Variants in SETBP1 observed in about 807,000 individuals in gnomAD.
SETBP1 encodes SET-binding protein.
Under a neutral mutation model 101.0 loss-of-function variants are expected in SETBP1, and 9 were observed. The observed-to-expected ratio is 0.09, with a 90% CI of 0.05 to 0.16. The LOEUF is 0.16. Among genes scored for constraint, SETBP1 ranks in the 10% least tolerant of loss-of-function variants. SETBP1 has a pLI of 1.00. For synonymous variants in SETBP1, 818 were observed against 788.5 expected, an observed-to-expected ratio of 1.04 and a Z score of -0.63; for missense variants, 1,858 against 2,033.8, an observed-to-expected ratio of 0.91 and a Z score of 1.66.
chr18:44,843,200 T>C (rs1451437296), intron 2 of SETBP1, among the ~76,000 whole-genome samples: 1 of 152,226 alleles, frequency 6.6e-6, no homozygotes, highest in Non-Finnish European at 1.5e-5. Context: ...GAGAGGGGCA[T>C]GGCACCTCTG....
intron 2 of SETBP1, among the ~76,000 whole-genome samples, chr18:44,803,049 G>A (rs1393875755): frequency 6.6e-6 from 1 of 152,072 alleles, no homozygotes; most frequent in African/African-American, 2.4e-5. Flanking sequence ...CGGAGTTAAA[G>A]CAAAGATCAG....
chr18:44,932,626 C>G (rs1193860800), intron 3 of SETBP1, among the ~76,000 whole-genome samples: 1 of 152,138 alleles, frequency 6.6e-6, no homozygotes, highest in African/African-American at 2.4e-5. Context: ...TTCTTGGAGG[C>G]TTTGTTCATT....
intron 2 of SETBP1, among the ~76,000 whole-genome samples, chr18:44,734,029 T>C (rs954643341): frequency 5.9e-5 from 9 of 152,072 alleles, no homozygotes; most frequent in African/African-American, 2.2e-4. Context: ...TGAGTAATGA[T>C]GGGGGCAAAA....
intron 3 of SETBP1, among the ~76,000 whole-genome samples, chr18:44,939,243 C>G (rs528036337): frequency 6.6e-6 from 1 of 152,016 alleles, no homozygotes; most frequent in Non-Finnish European, 1.5e-5. Flanking sequence ...TTCCCAGCCC[C>G]GGTCCCCACC....
At chr18:44,740,924 A>G (rs182464021) in intron 2 of SETBP1, among the ~76,000 whole-genome samples, 177 of 152,352 alleles carry the variant, frequency 1.2e-3, no homozygotes, top group African/African-American at 3.9e-3. Context: ...TTGAATGTAC[A>G]TCTTGATTTC....
chr18:44,986,281 G>T (rs1044692052), intron 4 of SETBP1: 1 of 152,164 alleles, frequency 6.6e-6, no homozygotes, highest in East Asian at 1.9e-4. Flanking sequence ...ACGGTGTCAA[G>T]GATAAATAAT....
intron 2 of SETBP1, among the ~76,000 whole-genome samples, chr18:44,828,701 A>C (rs1032110068): frequency 7.9e-5 from 12 of 152,244 alleles, no homozygotes; most frequent in Admixed American, 7.2e-4. Flanking sequence ...AAATGTAGAC[A>C]ATGAAGCCCT....
At chr18:44,731,124 G>T (rs909751115) in intron 2 of SETBP1, among the ~76,000 whole-genome samples, 1 of 152,092 alleles carries the variant, frequency 6.6e-6, no homozygotes. Flanking sequence ...TCTTGACATG[G>T]CTGACTTGTA....
chr18:44,863,533 G>A (rs1435275365), intron 2 of SETBP1, among the ~76,000 whole-genome samples: 1 of 152,172 alleles, frequency 6.6e-6, no homozygotes, highest in Non-Finnish European at 1.5e-5. Flanking sequence ...TGGTGGGCCT[G>A]AGTTCAACTT....
At chr18:45,040,332 C>T (rs867938879) in intron 5 of SETBP1, among the ~76,000 whole-genome samples, 3 of 151,070 alleles carry the variant, frequency 2.0e-5, no homozygotes, top group East Asian at 2.0e-4. Context: ...ATTAGTAGCA[C>T]CTTGGTGGGA....
chr18:44,723,204 TCTC>T, intron 2 of SETBP1, among the ~76,000 whole-genome samples: 1 of 152,334 alleles, frequency 6.6e-6, no homozygotes, highest in South Asian at 2.1e-4. Flanking sequence ...GCCTTTTCCT[TCTC>T]CTTCTCTTCC....
chr18:44,766,087 C>T (rs2070758649), intron 2 of SETBP1, among the ~76,000 whole-genome samples: 1 of 152,182 alleles, frequency 6.6e-6, no homozygotes, highest in African/African-American at 2.4e-5. Context: ...AAAGGTACTT[C>T]CCATTCTGGG....
intron 2 of SETBP1, among the ~76,000 whole-genome samples, chr18:44,772,086 T>A (rs1177713719): frequency 2.0e-5 from 3 of 152,202 alleles, no homozygotes; most frequent in African/African-American, 7.2e-5. Flanking sequence ...TTATGCTTCC[T>A]CTTTCCCCAT....
At chr18:44,796,043 A>G (rs1404296976) in intron 2 of SETBP1, among the ~76,000 whole-genome samples, 2 of 152,206 alleles carry the variant, frequency 1.3e-5, no homozygotes, top group East Asian at 3.8e-4. Flanking sequence ...TTGTGCTTCT[A>G]ATCTGCTGTG....
intron 1 of SETBP1, among the ~76,000 whole-genome samples, chr18:44,687,717 G>C (rs1266018838): frequency 6.6e-6 from 1 of 152,032 alleles, no homozygotes; most frequent in Admixed American, 6.6e-5. Flanking sequence ...GTTGAGCTTT[G>C]CTGCTGCTTC....
chr18:44,970,752 T>G (rs967256020), intron 4 of SETBP1, among the ~76,000 whole-genome samples: 1 of 152,128 alleles, frequency 6.6e-6, no homozygotes, highest in Non-Finnish European at 1.5e-5. Flanking sequence ...GGTTTCACCA[T>G]GTTGGTCAGG....
At chr18:44,873,593 G>A (rs966860913) in intron 3 of SETBP1, among the ~76,000 whole-genome samples, 1 of 152,112 alleles carries the variant, frequency 6.6e-6, no homozygotes, top group Non-Finnish European at 1.5e-5. Context: ...AGCAGGGGAA[G>A]CATGGAGGAA....
intron 3 of SETBP1, among the ~76,000 whole-genome samples, chr18:44,895,879 C>A (rs998994905): frequency 5.9e-5 from 9 of 151,932 alleles, no homozygotes; most frequent in African/African-American, 1.9e-4. Flanking sequence ...TTATTAACAT[C>A]GAGAGGCAAA....
chr18:44,792,826 TAGGG>T (rs1197400581), intron 2 of SETBP1, among the ~76,000 whole-genome samples: 1 of 152,022 alleles, frequency 6.6e-6, no homozygotes, highest in East Asian at 1.9e-4. Context: ...TTTCTCCCCT[TAGGG>T]CTCTATTCCT....
Sources: allele counts gnomAD v4.1 joint callset (sites outside exome capture counted in the v4.1 genomes callset), GRCh38; gene constraint gnomAD v4.1.1; transcripts MANE v1.5; gene names NCBI Gene and HGNC (gene_info 2026-07-23, HGNC 2026-07-21).